Variants in SHROOM3 observed in about 807,000 individuals in gnomAD.
SHROOM3 encodes the protein protein Shroom3.
A neutral mutation model predicts 138.6 loss-of-function variants in SHROOM3; 47 were observed. The ratio of observed to expected loss-of-function variants is 0.34; its 90% confidence interval spans 0.27 to 0.43. The LOEUF is 0.43. SHROOM3 is among the 20% of genes least tolerant of loss of function. SHROOM3 has a pLI of 1.00. For missense variants in SHROOM3, 2,491 were observed against 2,596.5 expected, an observed-to-expected ratio of 0.96 and a Z score of 0.88; for synonymous variants, 1,062 against 1,063.3, an observed-to-expected ratio of 1.00 and a Z score of 0.02.
At chr4:76,759,481 C>T (rs901212590) in intron 8 of SHROOM3, 64 bp from the exon 9 acceptor site, 47 of 1,599,442 alleles carry the variant, frequency 2.9e-5, no homozygotes, top group Non-Finnish European at 3.8e-5. Context: ...GGACTGACAT[C>T]TGCAGTGAAA....
At chr4:76,657,130 T>C (rs1736079803) in intron 2 of SHROOM3, among the ~76,000 whole-genome samples, 1 of 151,948 alleles carries the variant, frequency 6.6e-6, no homozygotes, top group African/African-American at 2.4e-5. Context: ...TGAGCCGAGA[T>C]CATGCCATTG....
At chr4:76,629,624 G>A (rs940952483) in intron 2 of SHROOM3, among the ~76,000 whole-genome samples, 5 of 152,182 alleles carry the variant, frequency 3.3e-5, no homozygotes, top group African/African-American at 9.7e-5. Context: ...GGATCATAGC[G>A]AGGGAGATGG....
rs191184989 is a variant in SHROOM3 at position 76,458,046 on chromosome 4, G to A, written c.168+21826G>A. 5.8e-3 allele frequency among the ~76,000 whole-genome samples: 882 copies of A among 152,300 alleles called. 6 individuals carry two copies. The highest frequency in any genetic ancestry group is 9.2e-3 in the Non-Finnish European group (623 of 68,022). On this transcript the variant is annotated intron_variant, in intron 1 of 10. Transcript: ENST00000296043. ...CTGACCTCATGATCCGCCTGCCTGG[G>A]CCTCCCCAGGTGCTGGGATTACAGG...
intron 2 of SHROOM3, among the ~76,000 whole-genome samples, chr4:76,569,662 C>T (rs551566826): frequency 2.0e-5 from 3 of 151,060 alleles, no homozygotes; most frequent in African/African-American, 7.3e-5. Context: ...ACACATCTTT[C>T]CAGTTTTCCT....
chr4:76,627,384 G>A (rs1735177490), intron 2 of SHROOM3, among the ~76,000 whole-genome samples: 1 of 152,106 alleles, frequency 6.6e-6, no homozygotes, highest in African/African-American at 2.4e-5. Context: ...AGAGACTTGT[G>A]GCTGAATTAG....
chr4:76,774,637 T>G (rs1722483318), intron 10 of SHROOM3, among the ~76,000 whole-genome samples: 1 of 151,820 alleles, frequency 6.6e-6, no homozygotes, highest in Non-Finnish European at 1.5e-5. Context: ...AATTCTCAAT[T>G]TTTTAACTTA....
At chr4:76,616,787 A>G (rs868657508) in intron 2 of SHROOM3, among the ~76,000 whole-genome samples, 37 of 152,198 alleles carry the variant, frequency 2.4e-4, no homozygotes, top group African/African-American at 7.2e-4. Context: ...TGCACTTAAC[A>G]CTATGAACTG....
At chr4:76,647,877 A>C (rs754363264) in intron 2 of SHROOM3, among the ~76,000 whole-genome samples, 1 of 152,040 alleles carries the variant, frequency 6.6e-6, no homozygotes, top group Non-Finnish European at 1.5e-5. Flanking sequence ...CCAGCCTGGG[A>C]GACACAGCTA....
In SHROOM3 at chr4:76,779,037, T is replaced by C; in HGVS notation, c.5851T>C (p.Cys1951Arg). 1 of 1,614,196 alleles carries C rather than the reference T, an allele frequency of 6.2e-7. No individual in the cohort carries two copies. The highest frequency in any genetic ancestry group is 8.5e-7 in the Non-Finnish European group (1 of 1,180,032). The change falls in exon 11 of 11, where the codon TGT becomes CGT. Residue 1951 changes from cysteine (C) to arginine (R), a missense_variant. Physicochemically the swap from Cys to Arg is radical, Grantham distance 180 (BLOSUM62 -3). Around this residue, in one of 4 missense-constraint regions of SHROOM3, gnomAD observed 470 missense variants for 595.0 expected, o/e 0.79. Transcript: ENST00000296043. ...CAAGCTGGGCCAGGAGCAGGTCAAG[T>C]GTCTGCTGGAGAGCCTGCCCTCAGA... ...KIKLGQEQVK[C>R]LLESLPSDFI...
intron 2 of SHROOM3, among the ~76,000 whole-genome samples, chr4:76,616,678 T>A (rs1577921586): frequency 6.6e-6 from 1 of 152,112 alleles, no homozygotes; most frequent in South Asian, 2.1e-4. Flanking sequence ...ACTGGGTAAG[T>A]GGGGAAAGGG....
chr4:76,566,842 A>G (rs998767783), intron 2 of SHROOM3, among the ~76,000 whole-genome samples: 1 of 152,194 alleles, frequency 6.6e-6, no homozygotes, highest in Non-Finnish European at 1.5e-5. Flanking sequence ...CTGTCTCCTC[A>G]TGGTTCTGTT....
At chr4:76,676,963 A>G (rs1372342118) in intron 2 of SHROOM3, among the ~76,000 whole-genome samples, 1 of 151,322 alleles carries the variant, frequency 6.6e-6, no homozygotes, top group Admixed American at 6.6e-5. Flanking sequence ...AAAAAAAAAA[A>G]AAAAGGAAAA....
chr4:76,458,570 C>G (rs1237239768), intron 1 of SHROOM3, among the ~76,000 whole-genome samples: 1 of 152,184 alleles, frequency 6.6e-6, no homozygotes, highest in Non-Finnish European at 1.5e-5. Flanking sequence ...CTTTGCCCCT[C>G]CTCTAGTGAT....
chr4:76,757,158 A>G (rs575617122), intron 8 of SHROOM3: 3 of 578,446 alleles, frequency 5.2e-6, no homozygotes, highest in East Asian at 3.1e-5. Context: ...AATAATTGCC[A>G]TTAGTACCCA....
intron 2 of SHROOM3, among the ~76,000 whole-genome samples, chr4:76,559,805 A>G (rs573032948): frequency 1.4e-4 from 21 of 152,190 alleles, no homozygotes; most frequent in Non-Finnish European, 2.8e-4. Flanking sequence ...GCAAAGCCTC[A>G]AGTAAGTTGT....
chr4:76,500,058 C>A (rs1732058072), intron 1 of SHROOM3, among the ~76,000 whole-genome samples: 1 of 152,204 alleles, frequency 6.6e-6, no homozygotes, highest in Non-Finnish European at 1.5e-5. Context: ...GGCCTCACAG[C>A]TGGTAAGCAG....
Position 76,667,966 on chromosome 4 carries a change from C to CAAAAAAAAAAAAAA in SHROOM3, c.324-42177_324-42164dup, listed in dbSNP as rs747974205. Reference sequence around the variant, plus strand: ...TGGGCGACAGAAGGAGACTCCCTCTCAAAAAAAAAAAAAAAAAAAAAAAAA... The same window carrying CAAAAAAAAAAAAAA: ...TGGGCGACAGAAGGAGACTCCCTCTCAAAAAAAAAAAAAAAAAAAAAAAAAAAAAAAAAAAAAAA... On this transcript the variant is annotated intron_variant, in intron 2 of 10. Coordinates refer to ENST00000296043, the MANE Select transcript of SHROOM3 (RefSeq NM_020859.4). Among the ~76,000 whole-genome samples the CAAAAAAAAAAAAAA allele has an allele frequency of 1.3e-3, 83 of 62,550 alleles. 9 individuals are homozygous for CAAAAAAAAAAAAAA. Among genetic ancestry groups the CAAAAAAAAAAAAAA allele is most frequent in the Non-Finnish European group, 1.5e-3 (52 of 34,254 alleles). 41.0% of individuals were successfully genotyped at this position (62,550 alleles called of 152,430 possible).
At chr4:76,461,718 A>C (rs1381153594) in intron 1 of SHROOM3, among the ~76,000 whole-genome samples, 1 of 150,322 alleles carries the variant, frequency 6.7e-6, no homozygotes, top group Non-Finnish European at 1.5e-5. Context: ...AATTCTTGAG[A>C]ATTTTTTGAA....
chr4:76,621,104 T>A (rs1200778699), intron 2 of SHROOM3, among the ~76,000 whole-genome samples: 1 of 151,946 alleles, frequency 6.6e-6, no homozygotes, highest in Non-Finnish European at 1.5e-5. Context: ...TTTTCTCCAT[T>A]GATTTTTCAT....
Sources: gnomAD v4.1 joint callset for allele counts (sites outside exome capture counted in the v4.1 genomes callset) on GRCh38, gnomAD v4.1.1 for gene constraint, gnomAD v4.1.1 regional missense constraint, MANE v1.5 for transcripts, NCBI Gene and HGNC (gene_info 2026-07-23, HGNC 2026-07-21) for gene names.